The following SRGAP2C variants were observed in gnomAD, a reference collection of about 807,000 sequenced individuals.
The protein encoded by SRGAP2C is SLIT-ROBO Rho GTPase-activating protein 2C.
Under a neutral mutation model 25.1 loss-of-function variants are expected in SRGAP2C, and 15 were observed. That is an observed-to-expected ratio of 0.60 (90% CI 0.40 to 0.92). SRGAP2C has a LOEUF of 0.92. Among genes scored for constraint, SRGAP2C ranks in the 40% least tolerant of loss-of-function variants. The pLI, the probability that SRGAP2C is intolerant of heterozygous loss-of-function variation, is 0.00. For missense variants in SRGAP2C, 144 were observed against 264.4 expected (o/e 0.54, Z 3.16); for synonymous variants, 44 against 96.6 (o/e 0.46, Z 3.19).
At chr1:121,366,095 C>T (rs1427903127) in intron 5 of SRGAP2C, among the ~76,000 whole-genome samples, 1 of 134,138 alleles carries the variant, frequency 7.5e-6, no homozygotes, top group Non-Finnish European at 1.6e-5. Context: ...ACATACACAC[C>T]AAGGAAATTC....
At position 121,314,925 on chromosome 1, in the gene SRGAP2C, C is replaced by T. The variant is rs1317154100; in HGVS notation, c.261-9553C>T. ...TCCTATTCGGCCATATTGGCTCCTC[C>T]CCCCTACACTGAATCATTTATTTTG... is the stretch of plus-strand genomic sequence containing the variant. On this transcript the variant is annotated intron_variant, in intron 3 of 9. Coordinates refer to ENST00000367123, the MANE Select transcript of SRGAP2C (RefSeq NM_001329984.2). The T allele has an allele frequency of 1.3e-5, 10 of 751,388 alleles. 1 individual carries two copies. The African/African-American group carries it at 1.3e-4, about 10-fold the overall frequency. The allele number at this position is 751,388 out of a possible 1,614,324, so 46.5% of individuals were successfully genotyped here. A position where few individuals can be genotyped will look rare whatever the true frequency, so the allele number is the denominator to read the frequency against.
At chr1:121,355,380 C>T (rs1453489344) in intron 4 of SRGAP2C, among the ~76,000 whole-genome samples, 7 of 72,618 alleles carry the variant, frequency 9.6e-5, no homozygotes, top group Admixed American at 2.3e-4. Flanking sequence ...TGCAGTGGCG[C>T]GATCTTGGCT....
At chr1:121,259,842 A>C (rs202223024) in intron 2 of SRGAP2C, among the ~76,000 whole-genome samples, 3 of 126,148 alleles carry the variant, frequency 2.4e-5, no homozygotes, top group African/African-American at 8.9e-5. Context: ...TTCTTCTTCT[A>C]CTTTTTTTTT....
intron 2 of SRGAP2C, among the ~76,000 whole-genome samples, chr1:121,201,832 G>A (rs1234048656): frequency 6.6e-6 from 1 of 152,230 alleles, no homozygotes; most frequent in Non-Finnish European, 1.5e-5. Flanking sequence ...GCAACTGCGT[G>A]TACTTTTTTT....
intron 4 of SRGAP2C, among the ~76,000 whole-genome samples, chr1:121,343,777 CG>C (rs1658682393): frequency 6.8e-6 from 1 of 146,294 alleles, no homozygotes; most frequent in Non-Finnish European, 1.5e-5. Context: ...TGATTCAGCT[CG>C]TTTTAGCAAG....
At chr1:121,321,222 T>G (rs1354077162) in intron 3 of SRGAP2C, among the ~76,000 whole-genome samples, 1 of 138,924 alleles carries the variant, frequency 7.2e-6, no homozygotes, top group Non-Finnish European at 1.5e-5. Flanking sequence ...CTCATTTGAA[T>G]GGATGTGTCA....
intron 2 of SRGAP2C, among the ~76,000 whole-genome samples, chr1:121,279,726 A>C (rs1435980328): frequency 1.4e-5 from 2 of 140,648 alleles, no homozygotes; most frequent in Admixed American, 7.3e-5. Context: ...GCTGGATTTG[A>C]ATTCACATAT....
intron 4 of SRGAP2C, among the ~76,000 whole-genome samples, chr1:121,345,737 C>T (rs1360282257): frequency 1.0e-4 from 15 of 148,162 alleles, no homozygotes; most frequent in South Asian, 2.2e-4. Flanking sequence ...CTGTAACCCC[C>T]GCCTCCCAGG....
At chr1:121,346,595 G>A (rs1318807521) in intron 4 of SRGAP2C, among the ~76,000 whole-genome samples, 4 of 152,092 alleles carry the variant, frequency 2.6e-5, no homozygotes, top group East Asian at 1.9e-4. Context: ...TGACCTAGGC[G>A]AGAGAAGAAA....
At chr1:121,258,195 AGGCT>A (rs1553332856) in intron 2 of SRGAP2C, among the ~76,000 whole-genome samples, 5 of 151,166 alleles carry the variant, frequency 3.3e-5, no homozygotes, top group Non-Finnish European at 1.5e-5. Flanking sequence ...GGTTTTCCTT[AGGCT>A]GGGAACTCTG....
At chr1:121,340,342 C>T (rs1393691483) in intron 4 of SRGAP2C, among the ~76,000 whole-genome samples, 33 of 151,906 alleles carry the variant, frequency 2.2e-4, no homozygotes, top group Non-Finnish European at 4.0e-4. Flanking sequence ...AAAGGAAAAC[C>T]ACATAGTCTA....
At chr1:121,234,662 G>GC (rs1655899274) in intron 2 of SRGAP2C, among the ~76,000 whole-genome samples, 1 of 146,940 alleles carries the variant, frequency 6.8e-6, no homozygotes, top group Non-Finnish European at 1.5e-5. Flanking sequence ...TGGCTCTTTA[G>GC]ATGTGGGTGG....
intron 2 of SRGAP2C, among the ~76,000 whole-genome samples, chr1:121,222,520 T>G (rs1201829780): frequency 3.3e-5 from 5 of 152,128 alleles, no homozygotes; most frequent in Middle Eastern, 3.4e-3. Flanking sequence ...TCGCAGGTAC[T>G]TGGGAGGCTG....
intron 2 of SRGAP2C, among the ~76,000 whole-genome samples, chr1:121,198,907 T>C (rs1431006592): frequency 4.6e-5 from 7 of 152,006 alleles, no homozygotes; most frequent in Non-Finnish European, 7.4e-5. Context: ...TGGGTTCTAG[T>C]TTAGCTTTGT....
At chr1:121,273,280 T>TAA (rs11379508) in intron 2 of SRGAP2C, among the ~76,000 whole-genome samples, 3 of 93,902 alleles carry the variant, frequency 3.2e-5, no homozygotes, top group Admixed American at 1.1e-4. Flanking sequence ...TACCTTTCCA[T>TAA]AAAAAAAAAC....
Position 121,270,274 on chromosome 1 carries a change from G to A in SRGAP2C, c.68-14529G>A, listed in dbSNP as rs1409202021. 2.0e-5 allele frequency among the ~76,000 whole-genome samples: 3 copies of A among 151,792 alleles called. 1 individual carries two copies. The highest frequency in any genetic ancestry group is 4.4e-5 in the Non-Finnish European group (3 of 67,904). On this transcript the variant is annotated intron_variant, in intron 2 of 9. Transcript: ENST00000367123. ...TCTCTATCAGAATTTTTTAAGACATGGCTACTTTATCTTCAGGCCTTGAAT... is the reference window on the plus strand; with the variant it reads ...TCTCTATCAGAATTTTTTAAGACATAGCTACTTTATCTTCAGGCCTTGAAT...
At chr1:121,362,735 AT>A (rs1553348832) in intron 4 of SRGAP2C, 1 of 149,042 alleles carries the variant, frequency 6.7e-6, no homozygotes. Flanking sequence ...AGAGTGAGTC[AT>A]GTTGCCTCAC....
intron 3 of SRGAP2C, among the ~76,000 whole-genome samples, chr1:121,314,458 G>C (rs1235029693): frequency 6.6e-6 from 1 of 152,136 alleles, no homozygotes; most frequent in African/African-American, 2.4e-5. Flanking sequence ...TCTTTGTTCC[G>C]TTACTGGTGA....
At chr1:121,371,789 CT>C (rs1405930681) in intron 5 of SRGAP2C, among the ~76,000 whole-genome samples, 2 of 136,174 alleles carry the variant, frequency 1.5e-5, no homozygotes, top group Non-Finnish European at 3.1e-5. Context: ...AACGTTTTCT[CT>C]TTATCATGCA....
Sources: gnomAD v4.1 joint callset for allele counts (sites outside exome capture counted in the v4.1 genomes callset) on GRCh38, gnomAD v4.1.1 for gene constraint, MANE v1.5 for transcripts, NCBI Gene and HGNC (gene_info 2026-07-23, HGNC 2026-07-21) for gene names.